PDE10A: variants seen among roughly 807,000 people sequenced by gnomAD.
PDE10A encodes cAMP and cAMP-inhibited cGMP 3',5'-cyclic phosphodiesterase 10A.
Under a neutral mutation model 97.7 loss-of-function variants are expected in PDE10A, and 39 were observed. That is an observed-to-expected ratio of 0.40 (90% CI 0.31 to 0.52). PDE10A has a LOEUF of 0.52. Ranked by LOEUF, PDE10A falls within the 20% of genes least tolerant of loss-of-function variation. The probability of loss-of-function intolerance (pLI) is 0.56; values close to 1 mark genes in which losing one functional copy is unlikely to be tolerated. For missense variants in PDE10A, 731 were observed against 1,047.8 expected, an observed-to-expected ratio of 0.70 and a Z score of 4.17; for synonymous variants, 371 against 376.8, an observed-to-expected ratio of 0.98 and a Z score of 0.18.
At chr6:165,395,723 CAT>C (rs1786112631) in intron 14 of PDE10A, among the ~76,000 whole-genome samples, 1 of 152,080 alleles carries the variant, frequency 6.6e-6, no homozygotes, top group Non-Finnish European at 1.5e-5. Context: ...TAGTTACCAA[CAT>C]TAGACTTGAA....
At chr6:165,784,755 G>A (rs571121553) in intron 1 of PDE10A, among the ~76,000 whole-genome samples, 2 of 152,270 alleles carry the variant, frequency 1.3e-5, no homozygotes, top group South Asian at 2.1e-4. Flanking sequence ...AGTGGCATCC[G>A]TAATAGGGTT....
At chr6:165,683,334 A>C (rs996927213) in intron 1 of PDE10A, among the ~76,000 whole-genome samples, 4 of 152,198 alleles carry the variant, frequency 2.6e-5, no homozygotes, top group Non-Finnish European at 1.5e-5. Context: ...TGCCCAGCCA[A>C]CGAGAATCCC....
intron 3 of PDE10A, among the ~76,000 whole-genome samples, chr6:165,457,948 G>A (rs922884074): frequency 2.6e-5 from 4 of 152,232 alleles, no homozygotes; most frequent in African/African-American, 4.8e-5. Context: ...TGTTAGTCCC[G>A]AGAGTCTGTG....
chr6:165,522,732 C>A (rs542430521), intron 2 of PDE10A, among the ~76,000 whole-genome samples: 1 of 152,112 alleles, frequency 6.6e-6, no homozygotes, highest in East Asian at 1.9e-4. Flanking sequence ...AATGTCCACT[C>A]TTATCACTCT....
intron 3 of PDE10A, among the ~76,000 whole-genome samples, chr6:165,454,220 C>G (rs1777804838): frequency 6.6e-6 from 1 of 152,180 alleles, no homozygotes; most frequent in Admixed American, 6.5e-5. Context: ...AGGCTCAAAG[C>G]TGAAGAAGGT....
At chr6:165,728,313 A>C (rs1488873703) in intron 1 of PDE10A, among the ~76,000 whole-genome samples, 2 of 152,168 alleles carry the variant, frequency 1.3e-5, no homozygotes, top group African/African-American at 4.8e-5. Flanking sequence ...CATGCAAATC[A>C]TCATCATGCT....
chr6:165,571,748 G>A (rs957127459), intron 1 of PDE10A, among the ~76,000 whole-genome samples: 18 of 152,150 alleles, frequency 1.2e-4, no homozygotes, highest in African/African-American at 3.9e-4. Context: ...CCACAGTCAC[G>A]CTACACTGTT....
chr6:165,976,027 C>A (rs1784835162), intron 1 of PDE10A, among the ~76,000 whole-genome samples: 1 of 152,004 alleles, frequency 6.6e-6, no homozygotes, highest in Non-Finnish European at 1.5e-5. Flanking sequence ...GACTGAACAA[C>A]AAAAATGGGA....
At chr6:165,686,137 A>G (rs1298539689) in intron 1 of PDE10A, among the ~76,000 whole-genome samples, 2 of 35,108 alleles carry the variant, frequency 5.7e-5, no homozygotes, top group Non-Finnish European at 1.5e-4. Flanking sequence ...ATGGACACAC[A>G]CACACACACA....
chr6:165,398,522 T>A (rs519368), intron 13 of PDE10A, among the ~76,000 whole-genome samples: 24,756 of 151,616 alleles, frequency 0.16, 2,324 homozygotes, highest in African/African-American at 0.25. Context: ...AAGGTTGTAT[T>A]GGCTGTTCTT....
At chr6:165,534,462 T>C (rs1466701263) in intron 2 of PDE10A, among the ~76,000 whole-genome samples, 2 of 151,938 alleles carry the variant, frequency 1.3e-5, no homozygotes, top group East Asian at 1.9e-4. Context: ...GCCAGCATTA[T>C]CCTGATTCCA....
chr6:165,625,224 ACTC>A (rs541480398), intron 1 of PDE10A, among the ~76,000 whole-genome samples: 111 of 152,240 alleles, frequency 7.3e-4, no homozygotes, highest in African/African-American at 2.6e-3. Context: ...CGCAAGGCTC[ACTC>A]CTGCTGCTGT....
intron 1 of PDE10A, among the ~76,000 whole-genome samples, chr6:165,853,615 G>A (rs1780632803): frequency 6.6e-6 from 1 of 152,136 alleles, no homozygotes; most frequent in Non-Finnish European, 1.5e-5. Flanking sequence ...TCATTTTACA[G>A]TGAATTAGTG....
intron 2 of PDE10A, among the ~76,000 whole-genome samples, chr6:165,542,580 A>G (rs569929295): frequency 1.4e-5 from 2 of 138,552 alleles, no homozygotes; most frequent in Admixed American, 1.4e-4. Context: ...TTCTCATTTC[A>G]TGAGTGTTTA....
chr6:165,520,977 GT>G (rs142431330), intron 2 of PDE10A, among the ~76,000 whole-genome samples: 4 of 151,326 alleles, frequency 2.6e-5, no homozygotes, highest in East Asian at 3.9e-4. Flanking sequence ...AGATACTATG[GT>G]TTTTTTTTAG....
intron 11 of PDE10A, among the ~76,000 whole-genome samples, chr6:165,416,716 C>CT (rs1451860405): frequency 2.0e-5 from 3 of 152,194 alleles, no homozygotes; most frequent in African/African-American, 7.2e-5. Flanking sequence ...ATGCTGGTCT[C>CT]TACCATCGTG....
chr6:165,954,482 A>T (rs975337659), intron 1 of PDE10A, among the ~76,000 whole-genome samples: 2 of 152,192 alleles, frequency 1.3e-5, no homozygotes, highest in African/African-American at 4.8e-5. Context: ...AGCTTCCTAA[A>T]GTCCATCAGT....
intron 1 of PDE10A, among the ~76,000 whole-genome samples, chr6:165,587,980 T>C (rs1196409019): frequency 1.3e-5 from 2 of 152,196 alleles, no homozygotes; most frequent in African/African-American, 4.8e-5. Flanking sequence ...TTTGTTTTTG[T>C]TACCACTCCA....
At chr6:165,378,353 G>T (rs964090405) in intron 18 of PDE10A, among the ~76,000 whole-genome samples, 10 of 152,174 alleles carry the variant, frequency 6.6e-5, no homozygotes, top group Admixed American at 5.9e-4. Context: ...GTAAGTAAGT[G>T]CTCACCAGCC....
Sources: allele counts gnomAD v4.1 joint callset (sites outside exome capture counted in the v4.1 genomes callset), GRCh38; gene constraint gnomAD v4.1.1; transcripts MANE v1.5; gene names NCBI Gene and HGNC (gene_info 2026-07-23, HGNC 2026-07-21).